Variants in DTD1 observed in about 807,000 individuals in gnomAD.
DTD1 encodes the protein D-tyrosyl-tRNA deacylase 1 homolog.
Under a neutral mutation model 25.6 loss-of-function variants are expected in DTD1, and 13 were observed. The observed-to-expected ratio is 0.51, with a 90% confidence interval of 0.33 to 0.81. The LOEUF (loss-of-function observed/expected upper bound fraction) is 0.81, where lower values mean the gene tolerates loss of function less well. DTD1 is among the 30% of genes least tolerant of loss of function. The pLI is 0.02. For synonymous variants in DTD1, 110 were observed against 103.6 expected (o/e 1.06, Z -0.37); for missense variants, 193 against 266.4 (o/e 0.72, Z 1.92).
At position 18,593,744 on chromosome 20, in the gene DTD1, G is replaced by C. The variant is rs1485916418; in HGVS notation, c.57G>C (p.Gln19His). ...GTTCCTTTCTAGTTGGAGGAGAGCA[G>C]ATTAGTGCCATTGGAAGGGGCATAT... is the stretch of plus-strand genomic sequence containing the variant. ...TRASVTVGGE[Q>H]ISAIGRGICV... Residue 19 changes from glutamine (Q) to histidine (H), a missense_variant, in exon 2 of 6, where the codon CAG (glutamine) becomes CAC (histidine). Physicochemically the swap from Gln to His is conservative, Grantham distance 24. Transcript: ENST00000377452. The C allele has an allele frequency of 6.2e-7, 1 of 1,613,954 alleles. No individual in the cohort carries two copies. The highest frequency in any genetic ancestry group is 1.3e-5 in the African/African-American group (1 of 75,030).
chr20:18,757,443 C>A (rs2061343673), intron 5 of DTD1, among the ~76,000 whole-genome samples: 2 of 152,198 alleles, frequency 1.3e-5, no homozygotes, highest in Admixed American at 1.3e-4. Context: ...TGAGATATGT[C>A]CCATCAATAC....
chr20:18,660,377 G>T (rs927850850), intron 4 of DTD1, among the ~76,000 whole-genome samples: 2 of 151,914 alleles, frequency 1.3e-5, no homozygotes, highest in Admixed American at 1.3e-4. Context: ...ACACAAGTAC[G>T]CTTGGCAAAT....
intron 3 of DTD1, among the ~76,000 whole-genome samples, chr20:18,625,733 A>G (rs1034483355): frequency 1.3e-5 from 2 of 152,238 alleles, no homozygotes; most frequent in Admixed American, 6.5e-5. Context: ...TGGGGTTTCC[A>G]TCAGTAACAG....
chr20:18,676,958 G>A (rs959917280), intron 4 of DTD1, among the ~76,000 whole-genome samples: 14 of 152,172 alleles, frequency 9.2e-5, no homozygotes, highest in African/African-American at 9.7e-5. Flanking sequence ...CCTACTTGCC[G>A]TGCGTTTCTC....
chr20:18,603,815 G>C (rs1253939704), intron 3 of DTD1, among the ~76,000 whole-genome samples: 1,540 of 92,556 alleles, frequency 0.017, 50 homozygotes, highest in African/African-American at 0.061. Context: ...GCCCACAAGA[G>C]AAAGCAGGAA....
chr20:18,738,801 G>A (rs2061266590), intron 4 of DTD1, among the ~76,000 whole-genome samples: 3 of 152,234 alleles, frequency 2.0e-5, no homozygotes, highest in Admixed American at 1.3e-4. Context: ...GCAGCTGGCA[G>A]TGGCTTCTCT....
At chr20:18,595,445 T>A (rs1011507504) in intron 2 of DTD1, among the ~76,000 whole-genome samples, 8 of 152,136 alleles carry the variant, frequency 5.3e-5, no homozygotes, top group African/African-American at 1.9e-4. Context: ...TTTTGTAGTT[T>A]TAGTAGTAGA....
intron 4 of DTD1, among the ~76,000 whole-genome samples, chr20:18,698,882 G>A (rs995500673): frequency 6.6e-6 from 1 of 152,204 alleles, no homozygotes; most frequent in Non-Finnish European, 1.5e-5. Context: ...CAGCTCCCAG[G>A]TGCTGGGGTT....
chr20:18,759,120 A>C (rs142176368), intron 5 of DTD1, among the ~76,000 whole-genome samples: 5,668 of 152,056 alleles, frequency 0.037, 229 homozygotes, highest in African/African-American at 0.093. Context: ...TATTTTGAGC[A>C]TATGTGTGTC....
In DTD1 at chr20:18,693,894, A is replaced by G. The variant is rs117775377; in HGVS notation, c.478-50206A>G. On this transcript the variant is annotated intron_variant, in intron 4 of 5. Transcript: ENST00000377452. ...GATCTGTGCTGACCAACATGCTAGC[A>G]CCAGCCACGTGTAGCCATGAAAATT... Among the ~76,000 whole-genome samples, 1,387 of 152,266 alleles carry G rather than the reference A, an allele frequency of 9.1e-3. 9 individuals are homozygous for G. The highest frequency in any genetic ancestry group is 0.014 in the Middle Eastern group (4 of 294).
intron 3 of DTD1, among the ~76,000 whole-genome samples, chr20:18,613,587 A>T (rs760220181): frequency 6.6e-6 from 1 of 152,052 alleles, no homozygotes; most frequent in Non-Finnish European, 1.5e-5. Context: ...GAGAAAACCC[A>T]CCTCTGCTGA....
chr20:18,755,149 T>C (rs534392432), intron 5 of DTD1, among the ~76,000 whole-genome samples: 8 of 152,000 alleles, frequency 5.3e-5, no homozygotes, highest in Admixed American at 1.3e-4. Flanking sequence ...TCATATAACA[T>C]TTCTTTTGAA....
rs1212922907 is a variant in DTD1 at position 18,708,189 on chromosome 20, T to TATATATTATAG, written c.478-35901_478-35900insGATATATTATA. Among the ~76,000 whole-genome samples the TATATATTATAG allele has an allele frequency of 5.4e-4, 36 of 66,810 alleles. 1 individual carries two copies. The highest frequency in any genetic ancestry group is 1.1e-3 in the African/African-American group (18 of 16,856). 43.8% of individuals were successfully genotyped at this position (66,810 alleles called of 152,430 possible). ...TGTGTGTGTATATATATATTTTATA[T>TATATATTATAG]ATATATTATATATATATTTTATATA... On this transcript the variant is annotated intron_variant, in intron 4 of 5. Transcript: ENST00000377452.
chr20:18,741,788 T>A (rs948289038), intron 4 of DTD1, among the ~76,000 whole-genome samples: 9 of 152,032 alleles, frequency 5.9e-5, no homozygotes, highest in African/African-American at 2.2e-4. Flanking sequence ...AGTGACATGA[T>A]CTCAACTTAC....
At chr20:18,649,721 G>A (rs991044537) in intron 4 of DTD1, among the ~76,000 whole-genome samples, 5 of 152,132 alleles carry the variant, frequency 3.3e-5, no homozygotes, top group Admixed American at 6.5e-5. Context: ...GAAGTAACAC[G>A]CTTACTGTAA....
intron 4 of DTD1, among the ~76,000 whole-genome samples, chr20:18,657,339 A>C (rs2122364769): frequency 6.6e-6 from 1 of 152,312 alleles, no homozygotes. Context: ...GAAAAAAAAC[A>C]AGGGGAAAGG....
chr20:18,734,443 C>T (rs2061248791), intron 4 of DTD1, among the ~76,000 whole-genome samples: 1 of 152,226 alleles, frequency 6.6e-6, no homozygotes, highest in Non-Finnish European at 1.5e-5. Flanking sequence ...CATGATAATC[C>T]ATTCCCGAAG....
Position 18,612,000 on chromosome 20 carries a change from G to A in DTD1, c.370+15759G>A, listed in dbSNP as rs548626377. On this transcript the variant is annotated intron_variant, in intron 3 of 5. Coordinates refer to ENST00000377452, the MANE Select transcript of DTD1 (RefSeq NM_080820.6). The stretch of plus-strand genomic sequence containing the variant: ...CTCCCGAGTAGCTGGGATTACAGGC[G>A]CCCACGACCGTGCCCGGCTAATTAA... Among the ~76,000 whole-genome samples, 26 of 150,024 alleles carry A rather than the reference G, an allele frequency of 1.7e-4. No homozygotes were observed. In the East Asian group the frequency reaches 2.3e-3, roughly 13 times the overall value.
chr20:18,718,188 A>G (rs1219850378), intron 4 of DTD1, among the ~76,000 whole-genome samples: 1 of 152,232 alleles, frequency 6.6e-6, no homozygotes, highest in Non-Finnish European at 1.5e-5. Flanking sequence ...TTCCAGTAAT[A>G]TTACTTTATT....
Sources: gnomAD v4.1 joint callset for allele counts (sites outside exome capture counted in the v4.1 genomes callset) on GRCh38, gnomAD v4.1.1 for gene constraint, MANE v1.5 for transcripts, NCBI Gene and HGNC (gene_info 2026-07-23, HGNC 2026-07-21) for gene names.